FRMD4A: variants seen among roughly 807,000 people sequenced by gnomAD.
The protein encoded by FRMD4A is FERM domain containing 4A, also known as FERM domain-containing protein 4A.
In FRMD4A, 29 loss-of-function variants were observed where a neutral mutation model predicts 129.1. That is an observed-to-expected ratio of 0.22 (90% CI 0.17 to 0.31). The LOEUF (loss-of-function observed/expected upper bound fraction) is 0.31. Ranked by LOEUF, FRMD4A falls within the 10% of genes least tolerant of loss-of-function variation. The pLI, the probability that FRMD4A is intolerant of heterozygous loss-of-function variation, is 1.00. For missense variants in FRMD4A, 1,272 were observed against 1,375.8 expected (o/e 0.92, Z 1.19); for synonymous variants, 634 against 571.6 (o/e 1.11, Z -1.56).
chr10:14,316,445 C>G (rs577143540), intron 2 of FRMD4A, among the ~76,000 whole-genome samples: 16 of 140,586 alleles, frequency 1.1e-4, no homozygotes, highest in African/African-American at 4.2e-4. Context: ...TCCAGTGGAA[C>G]TGTGAAAAAA....
intron 2 of FRMD4A, among the ~76,000 whole-genome samples, chr10:14,089,172 C>T (rs531206233): frequency 5.1e-4 from 78 of 152,270 alleles, no homozygotes; most frequent in Non-Finnish European, 8.4e-4. Flanking sequence ...ATTGACTTTC[C>T]CAGCTAATGT....
chr10:13,797,581 G>C (rs74121693), intron 4 of FRMD4A, among the ~76,000 whole-genome samples: 10,335 of 152,196 alleles, frequency 0.068, 1,185 homozygotes, highest in African/African-American at 0.24. Context: ...CAAAGCCATG[G>C]AACAACCAAG....
At chr10:13,865,792 A>G (rs539795485) in intron 2 of FRMD4A, among the ~76,000 whole-genome samples, 9 of 152,282 alleles carry the variant, frequency 5.9e-5, no homozygotes, top group Non-Finnish European at 1.3e-4. Context: ...GAACCCAGAA[A>G]AAAACATGTG....
chr10:14,061,382 CG>C (rs141878703), intron 2 of FRMD4A, among the ~76,000 whole-genome samples: 2,338 of 152,092 alleles, frequency 0.015, 25 homozygotes, highest in East Asian at 0.045. Context: ...AACCCGGAGG[CG>C]GAGGTTGCAA....
chr10:14,089,640 C>CAAAAAAAAAAAAAAAAAAAAAAAAAA (rs759243260), intron 2 of FRMD4A, among the ~76,000 whole-genome samples: 2 of 70,272 alleles, frequency 2.8e-5, no homozygotes, highest in East Asian at 3.6e-4. Flanking sequence ...CAAAAAAAAA[C>CAAAAAAAAAAAAAAAAAAAAAAAAAA]AAACAAAAAA....
intron 2 of FRMD4A, among the ~76,000 whole-genome samples, chr10:13,862,542 C>A (rs1256001669): frequency 2.6e-5 from 4 of 152,206 alleles, no homozygotes; most frequent in Non-Finnish European, 4.4e-5. Flanking sequence ...CTTCCAATTT[C>A]TTTCCTCTTC....
intron 12 of FRMD4A, among the ~76,000 whole-genome samples, chr10:13,731,651 A>T (rs1403083681): frequency 3.9e-4 from 28 of 72,450 alleles, no homozygotes; most frequent in Non-Finnish European, 6.5e-4. Flanking sequence ...CTTCATCTCA[A>T]AAAAAAAAAA....
At chr10:14,329,758 G>C (rs1843437745) in intron 2 of FRMD4A, among the ~76,000 whole-genome samples, 1 of 152,184 alleles carries the variant, frequency 6.6e-6, no homozygotes, top group African/African-American at 2.4e-5. Context: ...GATGCTGGGA[G>C]CTGGAGGAGG....
chr10:14,048,667 G>A (rs1418310178), intron 2 of FRMD4A, among the ~76,000 whole-genome samples: 5 of 152,002 alleles, frequency 3.3e-5, no homozygotes, highest in South Asian at 2.1e-4. Context: ...TTAGCCAGGC[G>A]TGGTGTCAGG....
intron 2 of FRMD4A, among the ~76,000 whole-genome samples, chr10:13,912,266 CA>C (rs1565023618): frequency 6.6e-6 from 1 of 152,128 alleles, no homozygotes; most frequent in Admixed American, 6.5e-5. Flanking sequence ...GGCCCTTGTG[CA>C]CTGCTGGTGG....
chr10:13,775,105 C>A (rs943422946), intron 6 of FRMD4A, among the ~76,000 whole-genome samples: 8 of 152,090 alleles, frequency 5.3e-5, no homozygotes, highest in African/African-American at 1.7e-4. Flanking sequence ...GGAGGCCATG[C>A]CCAGCATTTG....
intron 2 of FRMD4A, among the ~76,000 whole-genome samples, chr10:13,860,597 G>A (rs764993742): frequency 6.6e-6 from 1 of 152,096 alleles, no homozygotes; most frequent in African/African-American, 2.4e-5. Context: ...CTAACCGGCC[G>A]CTTTAAGCAG....
intron 2 of FRMD4A, among the ~76,000 whole-genome samples, chr10:14,218,241 T>C (rs1843135023): frequency 6.6e-6 from 1 of 152,240 alleles, no homozygotes; most frequent in South Asian, 2.1e-4. Context: ...CTGAAGATTA[T>C]ACACAATGAT....
intron 2 of FRMD4A, among the ~76,000 whole-genome samples, chr10:14,315,277 T>C (rs1175826653): frequency 1.3e-5 from 2 of 152,166 alleles, no homozygotes; most frequent in Non-Finnish European, 2.9e-5. Flanking sequence ...TTCACATACA[T>C]ACCTCTAACC....
chr10:14,225,699 C>T (rs997664066), intron 2 of FRMD4A, among the ~76,000 whole-genome samples: 10 of 152,210 alleles, frequency 6.6e-5, no homozygotes, highest in Admixed American at 2.0e-4. Flanking sequence ...GTTCTGATTG[C>T]ATGTGCACCA....
chr10:14,279,555 T>C (rs916323996), intron 2 of FRMD4A, among the ~76,000 whole-genome samples: 5 of 152,140 alleles, frequency 3.3e-5, no homozygotes, highest in Non-Finnish European at 5.9e-5. Context: ...TATTTACTAC[T>C]ACAATTTTCT....
At chr10:13,970,629 A>T (rs2095512056) in intron 2 of FRMD4A, among the ~76,000 whole-genome samples, 1 of 152,108 alleles carries the variant, frequency 6.6e-6, no homozygotes, top group South Asian at 2.1e-4. Context: ...CACCCGTGAG[A>T]GGAGGAAAAA....
intron 2 of FRMD4A, among the ~76,000 whole-genome samples, chr10:14,006,262 G>A (rs1362397509): frequency 2.6e-5 from 4 of 152,142 alleles, no homozygotes; most frequent in East Asian, 3.9e-4. Flanking sequence ...GATGTGCAGC[G>A]CGGGAGGGCC....
chr10:13,808,344 C>T (rs1419497387), intron 4 of FRMD4A, among the ~76,000 whole-genome samples: 1 of 152,200 alleles, frequency 6.6e-6, no homozygotes, highest in African/African-American at 2.4e-5. Flanking sequence ...GCTCACAATA[C>T]ACATGCAGAA....
Sources: gnomAD v4.1 joint callset for allele counts (sites outside exome capture counted in the v4.1 genomes callset) on GRCh38, gnomAD v4.1.1 for gene constraint, MANE v1.5 for transcripts, NCBI Gene and HGNC (gene_info 2026-07-23, HGNC 2026-07-21) for gene names.